MYO1H: variants seen among roughly 807,000 people sequenced by gnomAD.
MYO1H encodes the protein myosin IH.
A neutral mutation model predicts 149.3 loss-of-function variants in MYO1H; 118 were observed. The ratio of observed to expected loss-of-function variants is 0.79; its 90% CI spans 0.68 to 0.92. The LOEUF (loss-of-function observed/expected upper bound fraction) is 0.92, where lower values mean the gene tolerates loss of function less well. MYO1H is among the 40% of genes least tolerant of loss of function. MYO1H has a pLI of 0.00. For missense variants in MYO1H, 1,212 were observed against 1,280.7 expected, an observed-to-expected ratio of 0.95 and a Z score of 0.82; for synonymous variants, 447 against 465.2, an observed-to-expected ratio of 0.96 and a Z score of 0.50.
intron 11 of MYO1H, 139 bp downstream of exon 11, chr12:109,409,763 C>A: frequency 1.2e-6 from 1 of 807,526 alleles, no homozygotes; most frequent in Non-Finnish European, 2.1e-6. Flanking sequence ...TTCTAACTCA[C>A]AGACCATCCT....
At chr12:109,358,544 G>A (rs1046761983) in intron 1 of MYO1H, among the ~76,000 whole-genome samples, 1 of 152,112 alleles carries the variant, frequency 6.6e-6, no homozygotes, top group African/African-American at 2.4e-5. Context: ...CTTCGTCTCC[G>A]GGACTGTTGT....
chr12:109,328,073 A>C, the MYO1H span, among the ~76,000 whole-genome samples: 1 of 151,106 alleles, frequency 6.6e-6, no homozygotes, highest in South Asian at 2.1e-4. Flanking sequence ...ACTATTGTCA[A>C]GATGTTTTGG....
At chr12:109,372,500 T>C (rs1319330713) in intron 1 of MYO1H, among the ~76,000 whole-genome samples, 1 of 152,122 alleles carries the variant, frequency 6.6e-6, no homozygotes, top group Non-Finnish European at 1.5e-5. Flanking sequence ...GAATTTGAAA[T>C]ACTACCTTGA....
chr12:109,405,683 A>C (rs998113408), intron 7 of MYO1H, among the ~76,000 whole-genome samples: 1 of 152,230 alleles, frequency 6.6e-6, no homozygotes, highest in African/African-American at 2.4e-5. Context: ...TATGAAAATA[A>C]AGTGTTTCCT....
chr12:109,313,852 A>T, the MYO1H span, among the ~76,000 whole-genome samples: 1 of 152,036 alleles, frequency 6.6e-6, no homozygotes, highest in African/African-American at 2.4e-5. Flanking sequence ...ATGTCCAGGC[A>T]TTCCTTTATG....
intron 1 of MYO1H, among the ~76,000 whole-genome samples, chr12:109,375,838 G>A (rs553650600): frequency 8.5e-5 from 13 of 152,212 alleles, no homozygotes; most frequent in Admixed American, 2.6e-4. Context: ...AATTAGCAGG[G>A]TGTGGTGATG....
chr12:109,410,702 A>C, exon 13 of MYO1H: 1 of 1,598,564 alleles, frequency 6.3e-7, no homozygotes, highest in South Asian at 1.1e-5. Context: ...AGCCAATTAA[A>C]TATTTCAACA....
intron 6 of MYO1H, among the ~76,000 whole-genome samples, chr12:109,403,226 C>T (rs1053444512): frequency 1.9e-4 from 29 of 152,074 alleles, no homozygotes; most frequent in African/African-American, 6.0e-4. Flanking sequence ...ATGTGCACAA[C>T]GTGCAGGTTA....
chr12:109,430,178 G>A (rs538068632), intron 19 of MYO1H, among the ~76,000 whole-genome samples: 5 of 152,286 alleles, frequency 3.3e-5, no homozygotes, highest in South Asian at 2.1e-4. Context: ...GCCTGGAGGT[G>A]GGAGCAGGCT....
intron 1 of MYO1H, among the ~76,000 whole-genome samples, chr12:109,355,735 C>CTT (rs375179115): frequency 7.6e-5 from 11 of 143,972 alleles, no homozygotes; most frequent in African/African-American, 2.3e-4. Context: ...TTTTCTTTTT[C>CTT]TTTTTTTTTT....
In MYO1H at chr12:109,441,605, G is replaced by A. The variant is rs1566043979; in HGVS notation, c.2539-10G>A. On this transcript the variant is annotated splice_polypyrimidine_tract_variant and intron_variant, in intron 25 of 31. Transcript: ENST00000310903. Reference sequence around the variant, plus strand: ...CTACCATTTTTATACTTTCAATTGTGTATTACCAGATGCAGCAAAAGGTAG... The same window carrying A: ...CTACCATTTTTATACTTTCAATTGTATATTACCAGATGCAGCAAAAGGTAG... 2 of 1,592,812 alleles carry A rather than the reference G, an allele frequency of 1.3e-6. No individual in the cohort carries two copies. The highest frequency in any genetic ancestry group is 1.7e-6 in the Non-Finnish European group (2 of 1,163,594).
At chr12:109,388,136 C>T (rs759972) in intron 1 of MYO1H, among the ~76,000 whole-genome samples, 8,880 of 152,014 alleles carry the variant, frequency 0.058, 848 homozygotes, top group African/African-American at 0.2. Context: ...GTGAGAATTA[C>T]AAAGTGAGTT....
chr12:109,397,693 T>G, intron 4 of MYO1H, 39 bp from the exon 5 acceptor site: 2 of 1,543,690 alleles, frequency 1.3e-6, no homozygotes, highest in Non-Finnish European at 1.8e-6. Context: ...ATACGCATGG[T>G]GAGCTTAAAT....
chr12:109,430,592 A>C (rs1386111419), intron 19 of MYO1H, among the ~76,000 whole-genome samples: 2 of 152,136 alleles, frequency 1.3e-5, no homozygotes, highest in Non-Finnish European at 2.9e-5. Flanking sequence ...AACATGGGAC[A>C]CTCGATACCC....
chr12:109,395,649 C>T (rs565967528), intron 3 of MYO1H, among the ~76,000 whole-genome samples: 8 of 151,674 alleles, frequency 5.3e-5, no homozygotes, highest in Non-Finnish European at 1.2e-4. Flanking sequence ...GCATGAGAAT[C>T]GCTTGAACTT....
At chr12:109,406,112 G>A in intron 8 of MYO1H, 77 bp downstream of exon 8, 1 of 964,068 alleles carries the variant, frequency 1.0e-6, no homozygotes, top group East Asian at 2.5e-5. Flanking sequence ...GGTGCCCACA[G>A]TTAGGCCCAA....
upstream of MYO1H, among the ~76,000 whole-genome samples, chr12:109,344,207 A>G (rs2048095352): frequency 6.6e-6 from 1 of 152,206 alleles, no homozygotes; most frequent in Non-Finnish European, 1.5e-5. Context: ...TATCCACATG[A>G]TATAACAGTT....
chr12:109,396,604 A>C, intron 4 of MYO1H, 22 bp downstream of exon 4: 1 of 1,589,630 alleles, frequency 6.3e-7, no homozygotes, highest in South Asian at 1.2e-5. Flanking sequence ...CTGGGGACCA[A>C]TCGAAGGGAG....
At chr12:109,395,711 G>A (rs1156749629) in intron 3 of MYO1H, among the ~76,000 whole-genome samples, 1 of 150,814 alleles carries the variant, frequency 6.6e-6, no homozygotes, top group African/African-American at 2.4e-5. Context: ...CTCTGGCCTG[G>A]GCGACAGAGC....
Sources: allele counts gnomAD v4.1 joint callset (sites outside exome capture counted in the v4.1 genomes callset), GRCh38; gene constraint gnomAD v4.1.1; transcripts MANE v1.5; gene names NCBI Gene and HGNC (gene_info 2026-07-23, HGNC 2026-07-21).